DGKI: variants seen among roughly 807,000 people sequenced by gnomAD.
DGKI encodes diacylglycerol kinase iota.
Under a neutral mutation model 147.5 loss-of-function variants are expected in DGKI, and 55 were observed. The observed-to-expected ratio is 0.37, with a 90% CI of 0.30 to 0.47. The LOEUF (loss-of-function observed/expected upper bound fraction) is 0.47. Among genes scored for constraint, DGKI ranks in the 20% least tolerant of loss-of-function variants. The probability of loss-of-function intolerance (pLI) is 1.00; values close to 1 mark genes in which losing one functional copy is unlikely to be tolerated. For missense variants in DGKI, 1,007 were observed against 1,323.8 expected (o/e 0.76, Z 3.71); for synonymous variants, 469 against 477.1 (o/e 0.98, Z 0.22).
At chr7:137,588,454 A>T (rs1443979943) in intron 12 of DGKI, among the ~76,000 whole-genome samples, 2 of 151,522 alleles carry the variant, frequency 1.3e-5, no homozygotes, top group African/African-American at 4.9e-5. Context: ...TCACAGTAAC[A>T]CAAAGATGGA....
chr7:137,759,973 C>G (rs1293197824), intron 1 of DGKI, among the ~76,000 whole-genome samples: 2 of 152,074 alleles, frequency 1.3e-5, no homozygotes, highest in African/African-American at 4.8e-5. Flanking sequence ...GCTACCATAG[C>G]GTGAGTGAGA....
chr7:137,406,930 CA>C (rs3046570), intron 30 of DGKI, among the ~76,000 whole-genome samples: 60 of 92,554 alleles, frequency 6.5e-4, no homozygotes, highest in African/African-American at 2.0e-3. Context: ...TGCTGAATTG[CA>C]AAAAAAAAAA....
chr7:137,648,239 G>T (rs1821900702), intron 5 of DGKI, among the ~76,000 whole-genome samples: 1 of 152,176 alleles, frequency 6.6e-6, no homozygotes, highest in Admixed American at 6.6e-5. Context: ...TAATTATTGA[G>T]ATTATAAATC....
chr7:137,394,267 A>G (rs773658576), intron 32 of DGKI, among the ~76,000 whole-genome samples: 1 of 152,140 alleles, frequency 6.6e-6, no homozygotes, highest in African/African-American at 2.4e-5. Context: ...TTCTTAAAAC[A>G]TCGTAAGATT....
At chr7:137,541,168 T>C (rs956037086) in intron 20 of DGKI, among the ~76,000 whole-genome samples, 1 of 152,136 alleles carries the variant, frequency 6.6e-6, no homozygotes, top group Non-Finnish European at 1.5e-5. Flanking sequence ...AGAAAGAATA[T>C]GGCACTGGCA....
chr7:137,530,678 T>C (rs1302135116), intron 20 of DGKI, among the ~76,000 whole-genome samples: 1 of 152,200 alleles, frequency 6.6e-6, no homozygotes, highest in Non-Finnish European at 1.5e-5. Context: ...ACATCTTTTT[T>C]CTGACATCTG....
intron 1 of DGKI, among the ~76,000 whole-genome samples, chr7:137,726,730 G>A (rs1195375946): frequency 3.9e-5 from 6 of 152,238 alleles, no homozygotes; most frequent in East Asian, 1.9e-4. Flanking sequence ...TTCCTAAAAC[G>A]TTGTCCCTTC....
intron 27 of DGKI, among the ~76,000 whole-genome samples, chr7:137,449,505 T>G (rs1813866083): frequency 6.6e-6 from 1 of 152,180 alleles, no homozygotes; most frequent in Non-Finnish European, 1.5e-5. Context: ...GATTAAAGAC[T>G]TAAATGTAAG....
At chr7:137,787,863 G>A (rs1796720552) in intron 1 of DGKI, among the ~76,000 whole-genome samples, 1 of 152,014 alleles carries the variant, frequency 6.6e-6, no homozygotes, top group Non-Finnish European at 1.5e-5. Context: ...GCATAAGAAT[G>A]ACACATTGGA....
chr7:137,723,238 A>G (rs1192034714), intron 1 of DGKI, among the ~76,000 whole-genome samples: 1 of 152,238 alleles, frequency 6.6e-6, no homozygotes, highest in Non-Finnish European at 1.5e-5. Context: ...TCTAAAGGGT[A>G]GCTGAAGATG....
intron 1 of DGKI, among the ~76,000 whole-genome samples, chr7:137,762,745 T>C (rs1340177267): frequency 1.3e-5 from 2 of 152,220 alleles, no homozygotes; most frequent in South Asian, 2.1e-4. Flanking sequence ...ATCTGGTTCA[T>C]TGTGTGCTCC....
At chr7:137,721,593 G>A (rs1302002446) in intron 1 of DGKI, among the ~76,000 whole-genome samples, 8 of 152,072 alleles carry the variant, frequency 5.3e-5, no homozygotes, top group Non-Finnish European at 1.0e-4. Context: ...TTGCTTTCCA[G>A]CCCATCCTCT....
chr7:137,490,517 T>C (rs935271285), intron 21 of DGKI, among the ~76,000 whole-genome samples: 1 of 152,234 alleles, frequency 6.6e-6, no homozygotes, highest in Non-Finnish European at 1.5e-5. Flanking sequence ...AGCAGTAGTT[T>C]CGTAAGTTAT....
intron 10 of DGKI, among the ~76,000 whole-genome samples, chr7:137,606,492 G>T (rs1820190374): frequency 6.6e-6 from 1 of 152,054 alleles, no homozygotes; most frequent in Admixed American, 6.6e-5. Flanking sequence ...CCATAGTATG[G>T]TTCTCTGAGC....
chr7:137,478,110 G>A (rs999260911), intron 23 of DGKI, among the ~76,000 whole-genome samples: 3 of 152,110 alleles, frequency 2.0e-5, no homozygotes, highest in South Asian at 2.1e-4. Context: ...CTAGAATTAC[G>A]TACAATATCA....
intron 1 of DGKI, among the ~76,000 whole-genome samples, chr7:137,790,911 C>T (rs1392930177): frequency 6.6e-6 from 1 of 152,198 alleles, no homozygotes; most frequent in African/African-American, 2.4e-5. Context: ...ACCTTCAGCA[C>T]TTGGCTTAAT....
At chr7:137,525,102 A>G (rs1817097266) in intron 20 of DGKI, among the ~76,000 whole-genome samples, 1 of 138,488 alleles carries the variant, frequency 7.2e-6, no homozygotes, top group Non-Finnish European at 1.5e-5. Flanking sequence ...CCATGGCATA[A>G]AAGACACTAT....
At chr7:137,694,808 T>C (rs899159107) in intron 1 of DGKI, among the ~76,000 whole-genome samples, 1 of 152,136 alleles carries the variant, frequency 6.6e-6, no homozygotes, top group African/African-American at 2.4e-5. Flanking sequence ...GCCTACAATG[T>C]AAAGGATAGT....
rs566681554 is a variant in DGKI at position 137,401,466 on chromosome 7, A to C, written c.2921-4053T>G. 2.6e-5 allele frequency among the ~76,000 whole-genome samples: 4 copies of C among 152,198 alleles called. No individual in the cohort carries two copies. In the East Asian group the frequency reaches 7.7e-4, roughly 29 times the overall value. The stretch of plus-strand genomic sequence containing the variant: ...AGATTGCTTGAGCCCAGGAGATCAA[A>C]GTTACAGTGAGCCATGACTGCACTC... On this transcript the variant is annotated intron_variant, in intron 30 of 32. Transcript: ENST00000614521.
Sources: allele counts gnomAD v4.1 joint callset (sites outside exome capture counted in the v4.1 genomes callset), GRCh38; gene constraint gnomAD v4.1.1; transcripts MANE v1.5; gene names NCBI Gene and HGNC (gene_info 2026-07-23, HGNC 2026-07-21).